ATXN1: variants seen among roughly 807,000 people sequenced by gnomAD.
ATXN1 encodes ataxin 1.
In ATXN1, 8 loss-of-function variants were observed where a neutral mutation model predicts 56.4. The ratio of observed to expected loss-of-function variants is 0.14; its 90% CI spans 0.08 to 0.26. ATXN1 has a LOEUF of 0.26. ATXN1 is among the 10% of genes least tolerant of loss of function. ATXN1 has a pLI of 1.00. For synonymous variants in ATXN1, 514 were observed against 494.6 expected (o/e 1.04, Z -0.52); for missense variants, 987 against 1,106.5 (o/e 0.89, Z 1.53).
chr6:16,567,730 A>G (rs556190674), intron 4 of ATXN1, among the ~76,000 whole-genome samples: 2 of 152,014 alleles, frequency 1.3e-5, no homozygotes, highest in South Asian at 4.1e-4. Context: ...TTTTTACTTT[A>G]CAATCTAATG....
At chr6:16,710,643 A>G (rs1044709072) in intron 2 of ATXN1, among the ~76,000 whole-genome samples, 6 of 152,320 alleles carry the variant, frequency 3.9e-5, no homozygotes, top group Admixed American at 1.3e-4. Flanking sequence ...GCCGGAGTGC[A>G]GTGGCATGAT....
chr6:16,557,723 G>C (rs1409962509), intron 4 of ATXN1, among the ~76,000 whole-genome samples: 1 of 152,152 alleles, frequency 6.6e-6, no homozygotes, highest in South Asian at 2.1e-4. Context: ...GAATGATATG[G>C]GTGTCACTGC....
At chr6:16,689,521 CT>C (rs11374047) in intron 2 of ATXN1, among the ~76,000 whole-genome samples, 26 of 105,212 alleles carry the variant, frequency 2.5e-4, no homozygotes, top group East Asian at 5.5e-4. Context: ...TTTTTTTTTT[CT>C]TTTTTTTTTT....
At chr6:16,483,399 A>T (rs1760477606) in intron 6 of ATXN1, among the ~76,000 whole-genome samples, 1 of 152,232 alleles carries the variant, frequency 6.6e-6, no homozygotes, top group South Asian at 2.1e-4. Context: ...CTACTGCAAC[A>T]GTTCTCCATG....
chr6:16,681,023 T>G (rs977471450), intron 2 of ATXN1, among the ~76,000 whole-genome samples: 1 of 152,168 alleles, frequency 6.6e-6, no homozygotes, highest in Non-Finnish European at 1.5e-5. Flanking sequence ...AAATTGTGTG[T>G]GGTCAACAGG....
intron 3 of ATXN1, among the ~76,000 whole-genome samples, chr6:16,623,380 T>A (rs1763353172): frequency 2.0e-5 from 3 of 152,242 alleles, no homozygotes; most frequent in Admixed American, 2.0e-4. Context: ...TATTCATTAC[T>A]GGGAACTCCA....
intron 5 of ATXN1, among the ~76,000 whole-genome samples, chr6:16,502,280 G>A (rs1207021441): frequency 6.6e-6 from 1 of 152,114 alleles, no homozygotes. Flanking sequence ...TTCAGGCTTA[G>A]AATCTATCTA....
chr6:16,578,366 C>A (rs1223800079), intron 4 of ATXN1, among the ~76,000 whole-genome samples: 1 of 152,194 alleles, frequency 6.6e-6, no homozygotes, highest in East Asian at 1.9e-4. Flanking sequence ...GAGTAGCTTT[C>A]AAATTTATCC....
In ATXN1 at chr6:16,760,842, G is replaced by A. The variant is rs1486632969; in HGVS notation, c.-730+456C>T. Among the ~76,000 whole-genome samples the A allele has an allele frequency of 6.6e-6, 1 of 150,384 alleles. No individual in the cohort carries two copies. Among genetic ancestry groups the A allele is most frequent in the Non-Finnish European group, 1.5e-5 (1 of 67,408 alleles). The stretch of plus-strand genomic sequence containing the variant: ...CCGCCGCCTCCCCCCTGCGCCACCC[G>A]GAGGGAGGAGGACATGGCTCTCCGC... On this transcript the variant is annotated intron_variant, in intron 1 of 7. Coordinates refer to ENST00000436367, the MANE Select transcript of ATXN1 (RefSeq NM_001128164.2). The surrounding 1 kb of genome is among the most constrained non-coding windows in gnomAD (Gnocchi z 5.3).
chr6:16,734,061 C>T (rs935849172), intron 2 of ATXN1, among the ~76,000 whole-genome samples: 6 of 152,136 alleles, frequency 3.9e-5, no homozygotes, highest in African/African-American at 1.2e-4. Flanking sequence ...CACTGCACTC[C>T]AGCCTAGGCA....
chr6:16,302,552 G>A lies in ATXN1; in HGVS notation c.*3777C>T, dbSNP rs1760134581. Reference sequence around the variant, plus strand: ...ATCCCTCCCTCCCCCCTCTGCCCCAGTGTGGCCCAGACAAACTGAAATAAT... The same window carrying A: ...ATCCCTCCCTCCCCCCTCTGCCCCAATGTGGCCCAGACAAACTGAAATAAT... On this transcript the variant is annotated 3_prime_UTR_variant, in exon 8 of 8. Coordinates refer to ENST00000436367, the MANE Select transcript of ATXN1 (RefSeq NM_001128164.2). The A allele has an allele frequency of 6.6e-6, 1 of 152,606 alleles. No homozygotes were observed. Among genetic ancestry groups the A allele is most frequent in the African/African-American group, 2.4e-5 (1 of 41,436 alleles). The allele number at this position is 152,606 out of a possible 1,614,324, so 9.5% of individuals were successfully genotyped here. A position where few individuals can be genotyped will look rare whatever the true frequency, so the allele number is the denominator to read the frequency against.
Position 16,327,684 on chromosome 6 carries a change from A to ATGCTGATGCTGCTGC in ATXN1, c.626_627insGCAGCAGCATCAGCA (p.Gln208_His209insGlnGlnGlnHisGln), listed in dbSNP as rs864309555. 2.9e-5 allele frequency: 43 copies of ATGCTGATGCTGCTGC among 1,474,200 alleles called. No homozygotes were observed. In the African/African-American group the frequency reaches 3.2e-4, roughly 11 times the overall value. The allele number at this position is 1,474,200 out of a possible 1,614,324, so 91.3% of individuals were successfully genotyped here. On this transcript the variant is annotated inframe_insertion, in exon 7 of 8. Transcript: ENST00000436367. ...GCTGCTGCTGCTGCTGCTGATGCTG[A>ATGCTGATGCTGCTGC]TGCTGCTGCTGCTGCTGCTGCTGCT...
intron 5 of ATXN1, among the ~76,000 whole-genome samples, chr6:16,511,278 CAT>C (rs930581518): frequency 2.6e-5 from 4 of 152,144 alleles, no homozygotes; most frequent in Non-Finnish European, 5.9e-5. Context: ...AGGGCATTAA[CAT>C]GTGAATAAAA....
chr6:16,656,473 A>T (rs1476637429), intron 3 of ATXN1, among the ~76,000 whole-genome samples: 1 of 151,610 alleles, frequency 6.6e-6, no homozygotes, highest in Non-Finnish European at 1.5e-5. Context: ...CTCTGCTTCC[A>T]GGTAATATCA....
chr6:16,577,166 G>C (rs973674843), intron 4 of ATXN1, among the ~76,000 whole-genome samples: 2 of 152,158 alleles, frequency 1.3e-5, no homozygotes, highest in African/African-American at 4.8e-5. Flanking sequence ...AATGACACAA[G>C]ATAGCAGTCT....
chr6:16,644,451 G>C (rs971042299), intron 3 of ATXN1, among the ~76,000 whole-genome samples: 4 of 150,938 alleles, frequency 2.7e-5, no homozygotes, highest in African/African-American at 9.8e-5. Flanking sequence ...GGAGGCGGAG[G>C]CTGCAGTGAG....
intron 2 of ATXN1, among the ~76,000 whole-genome samples, chr6:16,746,955 C>A (rs1443750784): frequency 6.6e-6 from 1 of 151,946 alleles, no homozygotes; most frequent in East Asian, 1.9e-4. Flanking sequence ...AAAACTGAGA[C>A]CCAGCAAGGT....
chr6:16,423,679 G>C (rs145492536), intron 6 of ATXN1, among the ~76,000 whole-genome samples: 2 of 152,116 alleles, frequency 1.3e-5, no homozygotes, highest in African/African-American at 4.8e-5. Flanking sequence ...GATTAACCTC[G>C]GGAGGACAGA....
At chr6:16,436,274 T>C (rs1046331373) in intron 6 of ATXN1, among the ~76,000 whole-genome samples, 5 of 152,198 alleles carry the variant, frequency 3.3e-5, no homozygotes, top group Admixed American at 6.5e-5. Flanking sequence ...ATGCTAATTT[T>C]ATATTAACAC....
Sources: allele counts gnomAD v4.1 joint callset (sites outside exome capture counted in the v4.1 genomes callset), GRCh38; gene constraint gnomAD v4.1.1; non-coding constraint Gnocchi (gnomAD v3.1); transcripts MANE v1.5; gene names NCBI Gene and HGNC (gene_info 2026-07-23, HGNC 2026-07-21).